The following AARS1 variants were observed in gnomAD, a reference collection of about 807,000 sequenced individuals.
The protein encoded by AARS1 is alanine--tRNA ligase, cytoplasmic.
Under a neutral mutation model 108.9 loss-of-function variants are expected in AARS1, and 72 were observed. The ratio of observed to expected loss-of-function variants is 0.66; its 90% CI spans 0.55 to 0.80. AARS1 has a LOEUF of 0.80. Among genes scored for constraint, AARS1 ranks in the 30% least tolerant of loss-of-function variants. AARS1 has a pLI of 0.00. For synonymous variants in AARS1, 489 were observed against 465.7 expected, an observed-to-expected ratio of 1.05 and a Z score of -0.64; for missense variants, 1,193 against 1,233.2, an observed-to-expected ratio of 0.97 and a Z score of 0.49.
At chr16:70,280,771 T>C (rs1255570779) in intron 2 of AARS1, among the ~76,000 whole-genome samples, 2 of 152,202 alleles carry the variant, frequency 1.3e-5, no homozygotes, top group East Asian at 1.9e-4. Context: ...TTGTCATGCT[T>C]TCATCATTTT....
Position 70,252,585 on chromosome 16 carries a change from C to G in AARS1, c.*136G>C, listed in dbSNP as rs537670194. The G allele has an allele frequency of 7.2e-6, 7 of 968,928 alleles. No homozygotes were observed. The South Asian group carries it at 9.6e-5, about 13-fold the overall frequency. The allele number at this position is 968,928 out of a possible 1,614,324, so 60.0% of individuals were successfully genotyped here. A position where few individuals can be genotyped will look rare whatever the true frequency, so the allele number is the denominator to read the frequency against. ...ATTTAAGGGGCACTGAGACATAGGA[C>G]TGCTCCCAAGTGTGTTCCAGTTACT... On this transcript the variant is annotated 3_prime_UTR_variant, in exon 21 of 21. Transcript: ENST00000261772.
rs1373682530 is a variant in AARS1, at chr16:70,277,011, G to A, written c.288C>T (p.Thr96=). The A allele has an allele frequency of 6.8e-6, 11 of 1,614,048 alleles. No individual in the cohort carries two copies. Among genetic ancestry groups the A allele is most frequent in the Middle Eastern group, 1.6e-4 (1 of 6,084 alleles). ...DDVGKDVYHH[T]FFEMLGSWSF... is the part of the protein sequence containing the mutation. ...ACCAAGAGCCCAGCATCTCGAAGAA[G>A]GTGTGATGATAGACATCCTTGCCCA... Residue 96 remains threonine, a synonymous_variant, in exon 3 of 21, where the codon ACC becomes ACT. Coordinates refer to ENST00000261772, the MANE Select transcript of AARS1 (RefSeq NM_001605.3).
intron 1 of AARS1, among the ~76,000 whole-genome samples, chr16:70,285,298 A>G (rs1176843325): frequency 6.6e-6 from 1 of 151,928 alleles, no homozygotes; most frequent in East Asian, 1.9e-4. Context: ...TTTAGCTGAA[A>G]GTTTTCTTCT....
chr16:70,272,373 G>A (rs971666922), intron 4 of AARS1, among the ~76,000 whole-genome samples: 3 of 151,610 alleles, frequency 2.0e-5, no homozygotes, highest in Non-Finnish European at 4.4e-5. Flanking sequence ...GGGTGTGGTG[G>A]CGCATGCCTG....
intron 11 of AARS1, among the ~76,000 whole-genome samples, chr16:70,263,743 C>A (rs1329254621): frequency 6.6e-6 from 1 of 151,912 alleles, no homozygotes; most frequent in Non-Finnish European, 1.5e-5. Context: ...CTCAAGTGAT[C>A]CTCCTGCCTC....
chr16:70,267,356 G>A (rs1212804087), intron 9 of AARS1, among the ~76,000 whole-genome samples: 2 of 151,778 alleles, frequency 1.3e-5, no homozygotes, highest in Non-Finnish European at 2.9e-5. Context: ...TGCAAACAGA[G>A]AAGAATCCTG....
intron 11 of AARS1, among the ~76,000 whole-genome samples, chr16:70,263,261 T>G (rs1960187359): frequency 6.6e-6 from 1 of 151,956 alleles, no homozygotes; most frequent in African/African-American, 2.4e-5. Flanking sequence ...TAGGCTTGCT[T>G]GAATAGATTT....
Position 70,265,121 on chromosome 16 carries a change from A to G in AARS1, c.1348-19T>C. 1.9e-6 allele frequency: 3 copies of G among 1,613,958 alleles called. No homozygotes were observed. Among genetic ancestry groups the G allele is most frequent in the Non-Finnish European group, 2.5e-6 (3 of 1,180,022 alleles). ...ATTTCAGCTGTCAGCAAGAGAAACA[A>G]GCATAAGTTACCGTAAAGTAGGAGA... is the stretch of plus-strand genomic sequence containing the variant. On this transcript the variant is annotated intron_variant, in intron 10 of 20. Coordinates refer to ENST00000261772, the MANE Select transcript of AARS1 (RefSeq NM_001605.3).
intron 13 of AARS1, among the ~76,000 whole-genome samples, chr16:70,259,765 A>G (rs1335929222): frequency 6.6e-6 from 1 of 150,742 alleles, no homozygotes; most frequent in East Asian, 1.9e-4. Context: ...GTGTTTATAA[A>G]TTTTTATAAA....
chr16:70,280,364 G>A (rs1485137917), intron 2 of AARS1, among the ~76,000 whole-genome samples: 1 of 152,058 alleles, frequency 6.6e-6, no homozygotes, highest in African/African-American at 2.4e-5. Flanking sequence ...TTTTTTGGGA[G>A]ACCAGTCTCA....
rs1238715109 is a variant in AARS1 at position 70,265,602 on chromosome 16, A to C, written c.1283T>G (p.Ile428Ser). 6.2e-7 allele frequency: 1 copy of C among 1,613,972 alleles called. No homozygotes were observed. Among genetic ancestry groups the C allele is most frequent in the Non-Finnish European group, 8.5e-7 (1 of 1,179,922 alleles). ...TACCACCAGGCCCTTCTCTTCAGCA[A>C]TCAGTCCAGTCAGATCCACTGGAAA... ...YGFPVDLTGL[I>S]AEEKGLVVDM... is the part of the protein sequence containing the mutation. The change falls in exon 10 of 21, where the codon ATT becomes AGT. Residue 428 changes from isoleucine (I) to serine (S), a missense_variant. Ile to Ser is a moderately radical substitution (Grantham distance 142). Coordinates refer to ENST00000261772, the MANE Select transcript of AARS1 (RefSeq NM_001605.3).
chr16:70,274,541 T>C (rs8062097), intron 4 of AARS1, among the ~76,000 whole-genome samples: 5,439 of 151,278 alleles, frequency 0.036, 345 homozygotes, highest in African/African-American at 0.12. Context: ...CTGGCCAACA[T>C]GATGAAACCC....
Position 70,277,089 on chromosome 16 carries a change from G to T in AARS1, c.210C>A (p.Ala70=), listed in dbSNP as rs1318541990. 1 of 1,614,130 alleles carries T rather than the reference G, an allele frequency of 6.2e-7. No homozygotes were observed. Among genetic ancestry groups the T allele is most frequent in the Non-Finnish European group, 8.5e-7 (1 of 1,180,026 alleles). The change falls in exon 3 of 21, where the codon GCC becomes GCA. Residue 70 remains alanine, a synonymous_variant. Transcript: ENST00000261772. ...CAGCCCGGATGCACTTCTGGGTATTGGCAGCTCTGCTCAGCTTTGCCATGG... is the reference window on the plus strand; with the variant it reads ...CAGCCCGGATGCACTTCTGGGTATTTGCAGCTCTGCTCAGCTTTGCCATGG... ...SHPMAKLSRA[A]NTQKCIRAGG... is the part of the protein sequence containing the mutation.
chr16:70,258,899 G>C (rs1359586160), intron 14 of AARS1, 81 bp downstream of exon 14: 10 of 1,460,810 alleles, frequency 6.8e-6, no homozygotes, highest in African/African-American at 1.4e-5. Context: ...ATACAACAGA[G>C]TGAGAGCACC....
At chr16:70,271,999 G>T in intron 4 of AARS1, 27 bp from the exon 5 acceptor site, 1 of 1,607,006 alleles carries the variant, frequency 6.2e-7, no homozygotes. Flanking sequence ...GATAAGTCCA[G>T]TTACAGCCCC....
chr16:70,282,841 A>T, intron 1 of AARS1, 57 bp from the exon 2 acceptor site: 3 of 1,551,126 alleles, frequency 1.9e-6, no homozygotes, highest in Non-Finnish European at 2.7e-6. Flanking sequence ...CAAAGTACAC[A>T]TTACACAAGA....
chr16:70,289,164 A>AT (rs1960961297), intron 1 of AARS1, among the ~76,000 whole-genome samples: 1 of 151,578 alleles, frequency 6.6e-6, no homozygotes, highest in Non-Finnish European at 1.5e-5. Flanking sequence ...GGGGATTAAA[A>AT]CCAAGGGAGC....
At chr16:70,279,660 CA>C (rs1237907744) in intron 2 of AARS1, among the ~76,000 whole-genome samples, 1 of 39,410 alleles carries the variant, frequency 2.5e-5, no homozygotes, top group Non-Finnish European at 5.6e-5. Flanking sequence ...AACTCTGTCT[CA>C]AAAAAAAACA....
At chr16:70,253,598 T>A in intron 19 of AARS1, 116 bp downstream of exon 19, 1 of 1,277,964 alleles carries the variant, frequency 7.8e-7, no homozygotes, top group Non-Finnish European at 1.1e-6. Flanking sequence ...CCTCCCAATC[T>A]CAATCCCAGA....
Sources: gnomAD v4.1 joint callset for allele counts (sites outside exome capture counted in the v4.1 genomes callset) on GRCh38, gnomAD v4.1.1 for gene constraint, MANE v1.5 for transcripts, NCBI Gene and HGNC (gene_info 2026-07-23, HGNC 2026-07-21) for gene names.